SVEP1: variants seen among roughly 807,000 people sequenced by gnomAD.
SVEP1 encodes sushi, von Willebrand factor type A, EGF and pentraxin domain-containing protein 1.
In SVEP1, 164 loss-of-function variants were observed where a neutral mutation model predicts 367.3. That is an observed-to-expected ratio of 0.45 (90% CI 0.39 to 0.51). The LOEUF (loss-of-function observed/expected upper bound fraction) is 0.51. Ranked by LOEUF, SVEP1 falls within the 20% of genes least tolerant of loss-of-function variation. The pLI, the probability that SVEP1 is intolerant of heterozygous loss-of-function variation, is 0.00. For missense variants in SVEP1, 4,117 were observed against 4,425.3 expected (o/e 0.93, Z 1.98); for synonymous variants, 1,666 against 1,611.6 (o/e 1.03, Z -0.81).
At chr9:110,375,490 A>AAAAAAT in intron 45 of SVEP1, 27 bp from the exon 46 acceptor site, 8 of 1,338,820 alleles carry the variant, frequency 6.0e-6, no homozygotes, top group Non-Finnish European at 7.1e-6. Context: ...AAAAAAAAAA[A>AAAAAAT]GGAGGCAGGG....
Position 110,439,095 on chromosome 9 carries a change from G to A in SVEP1, c.4640-2591C>T, listed in dbSNP as rs115909290. Among the ~76,000 whole-genome samples, 801 of 152,182 alleles carry A rather than the reference G, an allele frequency of 5.3e-3. 4 individuals carry two copies. The highest frequency in any genetic ancestry group is 0.018 in the African/African-American group (750 of 41,522). On this transcript the variant is annotated intron_variant, in intron 27 of 47. Transcript: ENST00000374469. ...CTGCTATGCACTGAACTGTGTCCCCGCCAAATTTATATGTTGAAGCCCTAA... is the reference window on the plus strand; with the variant it reads ...CTGCTATGCACTGAACTGTGTCCCCACCAAATTTATATGTTGAAGCCCTAA...
At chr9:110,394,783 AAGAAG>A (rs1190486426) in intron 40 of SVEP1, among the ~76,000 whole-genome samples, 1 of 152,168 alleles carries the variant, frequency 6.6e-6, no homozygotes, top group Non-Finnish European at 1.5e-5. Context: ...GAAATGAAGC[AAGAAG>A]AGAAGTTTAG....
intron 4 of SVEP1, among the ~76,000 whole-genome samples, chr9:110,513,636 A>G (rs1381159578): frequency 6.6e-6 from 1 of 152,174 alleles, no homozygotes; most frequent in Admixed American, 6.5e-5. Flanking sequence ...GCTCATTTTT[A>G]TTCAAATTTG....
At chr9:110,448,073 TAAGA>T (rs1828630907) in intron 24 of SVEP1, among the ~76,000 whole-genome samples, 1 of 152,098 alleles carries the variant, frequency 6.6e-6, no homozygotes, top group Non-Finnish European at 1.5e-5. Flanking sequence ...AAAACCTGAA[TAAGA>T]AAGATATATT....
intron 13 of SVEP1, among the ~76,000 whole-genome samples, chr9:110,477,806 A>G (rs1199937150): frequency 2.6e-5 from 4 of 152,034 alleles, no homozygotes; most frequent in Non-Finnish European, 5.9e-5. Context: ...CTCCAGTGCC[A>G]CCCAAGCCAC....
chr9:110,559,733 C>T lies in SVEP1; in HGVS notation c.532-9629G>A, dbSNP rs115945475. 8.6e-3 allele frequency among the ~76,000 whole-genome samples: 1,307 copies of T among 152,114 alleles called. 21 individuals are homozygous for T. The highest frequency in any genetic ancestry group is 0.03 in the African/African-American group (1,252 of 41,490). On this transcript the variant is annotated intron_variant, in intron 1 of 47. Transcript: ENST00000374469. Reference sequence around the variant, plus strand: ...TGTTAAGGAAATAACAATGGATACACACACAAAATGATCAAAAGGATGTAT... The same window carrying T: ...TGTTAAGGAAATAACAATGGATACATACACAAAATGATCAAAAGGATGTAT...
At chr9:110,389,471 T>C (rs928558306) in intron 41 of SVEP1, 53 bp downstream of exon 41, 1 of 1,592,614 alleles carries the variant, frequency 6.3e-7, no homozygotes, top group Non-Finnish European at 8.6e-7. Flanking sequence ...GCCACACTGT[T>C]ATTTTGTGTC....
chr9:110,575,270 T>C (rs1433847052), intron 1 of SVEP1, among the ~76,000 whole-genome samples: 1 of 152,088 alleles, frequency 6.6e-6, no homozygotes, highest in Non-Finnish European at 1.5e-5. Flanking sequence ...GAAGACAGAG[T>C]AGGTCTTGAG....
intron 46 of SVEP1, among the ~76,000 whole-genome samples, chr9:110,374,168 A>G (rs902043904): frequency 6.6e-6 from 1 of 152,080 alleles, no homozygotes; most frequent in African/African-American, 2.4e-5. Flanking sequence ...TCTACCCTCA[A>G]GTAGGCTCCA....
intron 3 of SVEP1, among the ~76,000 whole-genome samples, chr9:110,529,827 T>C (rs1259914637): frequency 1.3e-5 from 2 of 152,134 alleles, no homozygotes; most frequent in Non-Finnish European, 2.9e-5. Context: ...AGTTTGACTT[T>C]CACTTTTTCA....
Position 110,427,726 on chromosome 9 carries a change from G to A in SVEP1, c.5840C>T (p.Ala1947Val). ...LQGPSIIECT[A>V]SGIWDRAPPA... ...TGGCGCTCTGTCCCAGATGCCAGAAGCCGTGCATTCAATAATGGAAGGGCC... is the reference window on the plus strand; with the variant it reads ...TGGCGCTCTGTCCCAGATGCCAGAAACCGTGCATTCAATAATGGAAGGGCC... The change falls in exon 36 of 48, where the codon GCT becomes GTT. Residue 1947 changes from alanine to valine, a missense_variant. By Grantham distance (64) the Ala-to-Val change is moderately conservative. Transcript: ENST00000374469. 1 of 1,613,416 alleles carries A rather than the reference G, an allele frequency of 6.2e-7. No individual in the cohort carries two copies. The highest frequency in any genetic ancestry group is 8.5e-7 in the Non-Finnish European group (1 of 1,179,642).
intron 3 of SVEP1, among the ~76,000 whole-genome samples, chr9:110,528,599 T>C (rs1234137029): frequency 6.6e-6 from 1 of 152,080 alleles, no homozygotes; most frequent in East Asian, 1.9e-4. Flanking sequence ...GCCATTTATA[T>C]ATCTTCCTTG....
At chr9:110,383,765 A>C (rs943827051) in intron 43 of SVEP1, among the ~76,000 whole-genome samples, 6 of 152,094 alleles carry the variant, frequency 3.9e-5, no homozygotes, top group African/African-American at 7.2e-5. Context: ...GCTCCATCTC[A>C]GGGAGATCAG....
intron 1 of SVEP1, among the ~76,000 whole-genome samples, chr9:110,561,922 A>C (rs976505219): frequency 6.6e-6 from 1 of 152,206 alleles, no homozygotes; most frequent in Non-Finnish European, 1.5e-5. Context: ...CATTTAGGCT[A>C]TTTATTATAG....
At chr9:110,568,257 G>A (rs756343263) in intron 1 of SVEP1, among the ~76,000 whole-genome samples, 5 of 152,158 alleles carry the variant, frequency 3.3e-5, no homozygotes, top group Non-Finnish European at 5.9e-5. Context: ...GTAGGCACAG[G>A]GGCAAATCAA....
rs142506417 is a variant in SVEP1 at position 110,578,146 on chromosome 9, G to A, written c.531+867C>T. ...GGAGTCCACAAATATTTATGTTCAC[G>A]ATAACTTAGTAAGGAAAAATCCTAA... On this transcript the variant is annotated intron_variant, in intron 1 of 47. Transcript: ENST00000374469. 1.8e-3 allele frequency among the ~76,000 whole-genome samples: 275 copies of A among 152,220 alleles called. 4 individuals carry two copies. The highest frequency in any genetic ancestry group is 6.1e-3 in the African/African-American group (254 of 41,544).
rs778481292 is a variant in SVEP1 at position 110,407,290 on chromosome 9, A to G, written c.8310T>C (p.Cys2770=). 1.2e-5 allele frequency: 19 copies of G among 1,613,972 alleles called. No homozygotes were observed. Among genetic ancestry groups the G allele is most frequent in the Non-Finnish European group, 1.5e-5 (18 of 1,179,890 alleles). The change falls in exon 38 of 48, where the codon TGT becomes TGC. Residue 2770 remains cysteine, a synonymous_variant. Coordinates refer to ENST00000374469, the MANE Select transcript of SVEP1 (RefSeq NM_153366.4). ...NRKWSGASPR[C]EAISCKKPNP... ...TTGGCTTTTTGCATGAAATGGCTTC[A>G]CAGCGTGGGGAGGCACCACTCCACT...
chr9:110,554,727 C>CGT (rs147546940), intron 1 of SVEP1, among the ~76,000 whole-genome samples: 7,940 of 148,620 alleles, frequency 0.053, 245 homozygotes, highest in African/African-American at 0.07. Context: ...TATAGATGTG[C>CGT]GTGTGTGTGT....
At chr9:110,414,726 G>C (rs1828092420) in intron 36 of SVEP1, among the ~76,000 whole-genome samples, 1 of 151,850 alleles carries the variant, frequency 6.6e-6, no homozygotes, top group Non-Finnish European at 1.5e-5. Context: ...TTATGACAGA[G>C]CTCCCAAATG....
Sources: allele counts gnomAD v4.1 joint callset (sites outside exome capture counted in the v4.1 genomes callset), GRCh38; gene constraint gnomAD v4.1.1; transcripts MANE v1.5; gene names NCBI Gene and HGNC (gene_info 2026-07-23, HGNC 2026-07-21).